The following USP6NL variants were observed in gnomAD, a reference collection of about 807,000 sequenced individuals.
USP6NL encodes the protein USP6 N-terminal like.
In USP6NL, 26 loss-of-function variants were observed where a neutral mutation model predicts 61.9. The observed-to-expected ratio is 0.42, with a 90% confidence interval of 0.31 to 0.58. The LOEUF (loss-of-function observed/expected upper bound fraction) is 0.58. USP6NL is among the 20% of genes least tolerant of loss of function. The pLI, the probability that USP6NL is intolerant of heterozygous loss-of-function variation, is 0.16. For synonymous variants in USP6NL, 432 were observed against 390.1 expected, an observed-to-expected ratio of 1.11 and a Z score of -1.27; for missense variants, 1,114 against 1,034.3, an observed-to-expected ratio of 1.08 and a Z score of -1.06.
At position 11,504,055 on chromosome 10, in the gene USP6NL, G is replaced by A. The variant is rs556896823; in HGVS notation, c.277-2847C>T. Among the ~76,000 whole-genome samples the A allele has an allele frequency of 1.5e-4, 23 of 152,162 alleles. No homozygotes were observed. The South Asian group carries it at 4.6e-3, about 30-fold the overall frequency. Reference sequence around the variant, plus strand: ...AAAAACTTAAAAGGAATATAAAAACGATGTCTTTGGAATCCAAGCAGTAGG... The same window carrying A: ...AAAAACTTAAAAGGAATATAAAAACAATGTCTTTGGAATCCAAGCAGTAGG... On this transcript the variant is annotated intron_variant, in intron 6 of 14. Transcript: ENST00000609104.
At chr10:11,560,702 A>AATATATATATATTATATATATAT (rs1566181515) in intron 2 of USP6NL, among the ~76,000 whole-genome samples, 8 of 122,608 alleles carry the variant, frequency 6.5e-5, no homozygotes, top group African/African-American at 2.3e-4. Context: ...AACAGTAAAA[A>AATATATATATATTATATATATAT]ATATATATAT....
chr10:11,552,883 G>T (rs1836546377), intron 2 of USP6NL, among the ~76,000 whole-genome samples: 1 of 152,040 alleles, frequency 6.6e-6, no homozygotes, highest in Admixed American at 6.6e-5. Flanking sequence ...TGGATATATT[G>T]TGTAGTGGTG....
chr10:11,517,843 C>G lies in USP6NL; in HGVS notation c.195+692G>C, dbSNP rs530212752. Among the ~76,000 whole-genome samples, 125 of 152,234 alleles carry G rather than the reference C, an allele frequency of 8.2e-4. 1 individual carries two copies. The highest frequency in any genetic ancestry group is 2.7e-3 in the African/African-American group (114 of 41,540). The stretch of plus-strand genomic sequence containing the variant: ...AAACATACATGAACTGATAATAATC[C>G]CAGTCAATACCCCCACTTTCATTCT... On this transcript the variant is annotated intron_variant, in intron 5 of 14. Coordinates refer to ENST00000609104, the MANE Select transcript of USP6NL (RefSeq NM_014688.5).
At chr10:11,545,460 C>CAA (rs1261100711) in intron 2 of USP6NL, among the ~76,000 whole-genome samples, 1 of 152,184 alleles carries the variant, frequency 6.6e-6, no homozygotes, top group African/African-American at 2.4e-5. Context: ...CTGCCGTGTT[C>CAA]CACCTTCTCT....
rs1013828887 is a variant in USP6NL, at chr10:11,460,689, T to C, written c.*1752A>G. 6.7e-6 allele frequency: 1 copy of C among 149,868 alleles called. No individual in the cohort carries two copies. The highest frequency in any genetic ancestry group is 1.5e-5 in the Non-Finnish European group (1 of 67,464). 9.3% of individuals were successfully genotyped at this position (149,868 alleles called of 1,614,324 possible). A position where few individuals can be genotyped will look rare whatever the true frequency, so the allele number is the denominator to read the frequency against. Reference sequence around the variant, plus strand: ...CAGTATTTACCACTGTTGATATATATATTTTGGAGCAGCTCAGATACTGCT... The same window carrying C: ...CAGTATTTACCACTGTTGATATATACATTTTGGAGCAGCTCAGATACTGCT... On this transcript the variant is annotated 3_prime_UTR_variant, in exon 15 of 15. Transcript: ENST00000609104.
rs550736684 is a variant in USP6NL, at chr10:11,559,181, T to C, written c.5-31614A>G. On this transcript the variant is annotated intron_variant, in intron 2 of 14. Coordinates refer to ENST00000609104, the MANE Select transcript of USP6NL (RefSeq NM_014688.5). ...GGTACTACATATGCAGTATATATGA[T>C]ATACAAACTAGTTTCTTGGGGAGGT... Among the ~76,000 whole-genome samples the C allele has an allele frequency of 1.6e-4, 24 of 152,300 alleles. No individual in the cohort carries two copies. The South Asian group carries it at 5.0e-3, about 32-fold the overall frequency.
chr10:11,463,834 T>C lies in USP6NL; in HGVS notation c.1094A>G (p.Tyr365Cys). ...AAGCTGCCCCAAGGGCTTCTTTGGA[T>C]ATTCATCCTCTTTACCTGAAAAGAA... ...DLPEPGKEDE[Y>C]PKKPLGQLPP... The change falls in exon 15 of 15, where the codon TAT (tyrosine) becomes TGT (cysteine). Residue 365 changes from tyrosine (Y) to cysteine (C), a missense_variant. Transcript: ENST00000609104. This position sits in a 1 kb window ranked among gnomAD's most constrained non-coding sequence, Gnocchi z 6.3. 1 of 1,463,466 alleles carries C rather than the reference T, an allele frequency of 6.8e-7. No individual in the cohort carries two copies. Among genetic ancestry groups the C allele is most frequent in the African/African-American group, 1.4e-5 (1 of 70,008 alleles). The allele number at this position is 1,463,466 out of a possible 1,614,324, so 90.7% of individuals were successfully genotyped here.
In USP6NL at chr10:11,513,471, C is replaced by T. The variant is rs1316416791; in HGVS notation, c.196-3796G>A. On this transcript the variant is annotated intron_variant, in intron 5 of 14. Coordinates refer to ENST00000609104, the MANE Select transcript of USP6NL (RefSeq NM_014688.5). The surrounding 1 kb of genome is among the most constrained non-coding windows in gnomAD (Gnocchi z 4.7). Reference sequence around the variant, plus strand: ...TCATACACAAACATCTTAGTTCTCTCAATTTGTATTTTGAAATATTTCAAA... The same window carrying T: ...TCATACACAAACATCTTAGTTCTCTTAATTTGTATTTTGAAATATTTCAAA... Among the ~76,000 whole-genome samples, 1 of 152,180 alleles carries T rather than the reference C, an allele frequency of 6.6e-6. No individual in the cohort carries two copies. Among genetic ancestry groups the T allele is most frequent in the Non-Finnish European group, 1.5e-5 (1 of 68,024 alleles).
Position 11,589,269 on chromosome 10 carries a change from T to TG in USP6NL, c.4+8361_4+8362insC, listed in dbSNP as rs1838080514. Among the ~76,000 whole-genome samples, 2 of 152,144 alleles carry TG rather than the reference T, an allele frequency of 1.3e-5. No individual in the cohort carries two copies. The highest frequency in any genetic ancestry group is 4.8e-5 in the African/African-American group (2 of 41,370). ...AACCACTTAGCATGTAAATTTCTGT[T>TG]ATATTAGTTAAAACAACAAATTTAA... On this transcript the variant is annotated intron_variant, in intron 2 of 14. Coordinates refer to ENST00000609104, the MANE Select transcript of USP6NL (RefSeq NM_014688.5). This position sits in a 1 kb window ranked among gnomAD's most constrained non-coding sequence, Gnocchi z 4.7.
At position 11,597,980 on chromosome 10, in the gene USP6NL, T is replaced by C. The variant is rs569340977; in HGVS notation, c.-83-263A>G. Among the ~76,000 whole-genome samples, 1 of 152,308 alleles carries C rather than the reference T, an allele frequency of 6.6e-6. No individual in the cohort carries two copies. Among genetic ancestry groups the C allele is most frequent in the East Asian group, 1.9e-4 (1 of 5,188 alleles). The stretch of plus-strand genomic sequence containing the variant: ...CACCACATAGAAACTTACTAACAGG[T>C]GTCCTTCGTCTTCAACACTAAAAAC... On this transcript the variant is annotated intron_variant, in intron 1 of 14. Transcript: ENST00000609104. This position sits in a 1 kb window ranked among gnomAD's most constrained non-coding sequence, Gnocchi z 4.6.
In USP6NL at chr10:11,468,775, A is replaced by C. The variant is rs1832593731; in HGVS notation, c.1079-4926T>G. On this transcript the variant is annotated intron_variant, in intron 14 of 14. Coordinates refer to ENST00000609104, the MANE Select transcript of USP6NL (RefSeq NM_014688.5). This position sits in a 1 kb window ranked among gnomAD's most constrained non-coding sequence, Gnocchi z 4.5. ...TTTAGCCACAGAGGAGGCACATATCAGTAAAGACTGAGCTGGACACATAGT... is the reference window on the plus strand; with the variant it reads ...TTTAGCCACAGAGGAGGCACATATCCGTAAAGACTGAGCTGGACACATAGT... Among the ~76,000 whole-genome samples the C allele has an allele frequency of 6.6e-6, 1 of 152,250 alleles. No homozygotes were observed. Among genetic ancestry groups the C allele is most frequent in the Non-Finnish European group, 1.5e-5 (1 of 68,036 alleles).
At position 11,460,954 on chromosome 10, in the gene USP6NL, A is replaced by G. The variant is rs2096212259; in HGVS notation, c.*1487T>C. On this transcript the variant is annotated 3_prime_UTR_variant, in exon 15 of 15. Coordinates refer to ENST00000609104, the MANE Select transcript of USP6NL (RefSeq NM_014688.5). ...CATCATTACCAAGTTGATCAAAATT[A>G]CATTAGACTCATTATATACATAAAA... 6.6e-6 allele frequency: 1 copy of G among 152,216 alleles called. No homozygotes were observed. The highest frequency in any genetic ancestry group is 6.5e-5 in the Admixed American group (1 of 15,286). The allele number at this position is 152,216 out of a possible 1,614,324, so 9.4% of individuals were successfully genotyped here. A position where few individuals can be genotyped will look rare whatever the true frequency, so the allele number is the denominator to read the frequency against.
rs552714227 is a variant in USP6NL, at chr10:11,468,605, A to C, written c.1079-4756T>G. On this transcript the variant is annotated intron_variant, in intron 14 of 14. Transcript: ENST00000609104. This position sits in a 1 kb window ranked among gnomAD's most constrained non-coding sequence, Gnocchi z 4.5. ...CAGCAAGATGGTTTCATAAAACACCAGTGTGGTGCAGGAAACAATAAACTG... is the reference window on the plus strand; with the variant it reads ...CAGCAAGATGGTTTCATAAAACACCCGTGTGGTGCAGGAAACAATAAACTG... Among the ~76,000 whole-genome samples, 1 of 152,318 alleles carries C rather than the reference A, an allele frequency of 6.6e-6. No homozygotes were observed. The highest frequency in any genetic ancestry group is 2.1e-4 in the South Asian group (1 of 4,828).
chr10:11,475,496 T>C (rs1387628995), intron 14 of USP6NL, among the ~76,000 whole-genome samples: 1 of 147,134 alleles, frequency 6.8e-6, no homozygotes, highest in Non-Finnish European at 1.5e-5. Context: ...TTTGGGAGGC[T>C]GAGGCAGGAG....
intron 2 of USP6NL, among the ~76,000 whole-genome samples, chr10:11,539,332 A>G (rs1432505836): frequency 1.3e-5 from 2 of 152,306 alleles, no homozygotes; most frequent in Middle Eastern, 3.4e-3. Flanking sequence ...CATGTCCTCC[A>G]ATCAGTCAAC....
At position 11,474,292 on chromosome 10, in the gene USP6NL, C is replaced by T. The variant is rs973018564; in HGVS notation, c.1078+7478G>A. On this transcript the variant is annotated intron_variant, in intron 14 of 14. Transcript: ENST00000609104. This position sits in a 1 kb window ranked among gnomAD's most constrained non-coding sequence, Gnocchi z 4.9. Reference sequence around the variant, plus strand: ...AATTTAAAAATATGCAAATGAGTCACTGATTTGAACTTTAGATTTTAAACT... The same window carrying T: ...AATTTAAAAATATGCAAATGAGTCATTGATTTGAACTTTAGATTTTAAACT... Among the ~76,000 whole-genome samples, 4 of 152,112 alleles carry T rather than the reference C, an allele frequency of 2.6e-5. No individual in the cohort carries two copies. The highest frequency in any genetic ancestry group is 5.9e-5 in the Non-Finnish European group (4 of 68,022).
At chr10:11,467,664 G>A (rs949190792) in intron 14 of USP6NL, among the ~76,000 whole-genome samples, 11 of 152,184 alleles carry the variant, frequency 7.2e-5, no homozygotes, top group Non-Finnish European at 1.5e-4. Flanking sequence ...TAGACAATAT[G>A]TGTAGTATAA....
intron 5 of USP6NL, among the ~76,000 whole-genome samples, chr10:11,517,235 C>A (rs1591875764): frequency 6.6e-6 from 1 of 152,356 alleles, no homozygotes; most frequent in Non-Finnish European, 1.5e-5. Context: ...AGATCATAGT[C>A]AGAGTGTGAG....
rs1835291269 is a variant in USP6NL, at chr10:11,523,539, G to A, written c.155+1847C>T. ...TGGACTGTGTATGTGTGATCACAAG[G>A]GTGTGTTTAAATGTTAATAATGTAT... is the stretch of plus-strand genomic sequence containing the variant. On this transcript the variant is annotated intron_variant, in intron 4 of 14. Coordinates refer to ENST00000609104, the MANE Select transcript of USP6NL (RefSeq NM_014688.5). Among the ~76,000 whole-genome samples the A allele has an allele frequency of 2.0e-5, 3 of 152,184 alleles. No homozygotes were observed. In the South Asian group the frequency reaches 6.2e-4, roughly 32 times the overall value.
Sources: gnomAD v4.1 joint callset for allele counts (sites outside exome capture counted in the v4.1 genomes callset) on GRCh38, gnomAD v4.1.1 for gene constraint, Gnocchi (gnomAD v3.1) non-coding constraint, MANE v1.5 for transcripts, NCBI Gene and HGNC (gene_info 2026-07-23, HGNC 2026-07-21) for gene names.